Variants in TCF7L2 observed in about 807,000 individuals in gnomAD.
TCF7L2 encodes transcription factor 7-like 2.
A neutral mutation model predicts 77.9 loss-of-function variants in TCF7L2; 23 were observed. The ratio of observed to expected loss-of-function variants is 0.30; its 90% CI spans 0.21 to 0.42. The LOEUF (loss-of-function observed/expected upper bound fraction) is 0.42. Among genes scored for constraint, TCF7L2 ranks in the 10% least tolerant of loss-of-function variants. TCF7L2 has a pLI of 1.00. For missense variants in TCF7L2, 654 were observed against 793.1 expected (o/e 0.82, Z 2.11); for synonymous variants, 413 against 340.2 (o/e 1.21, Z -2.36).
intron 5 of TCF7L2, among the ~76,000 whole-genome samples, chr10:113,067,796 T>A (rs1350227139): frequency 6.6e-6 from 1 of 152,098 alleles, no homozygotes; most frequent in East Asian, 1.9e-4. Context: ...GAGGGTTATA[T>A]ATGACCTTCT....
chr10:112,981,308 CAA>C (rs11362147), intron 4 of TCF7L2, among the ~76,000 whole-genome samples: 92 of 142,376 alleles, frequency 6.5e-4, no homozygotes, highest in South Asian at 3.1e-3. Context: ...GACCCGTCCT[CAA>C]AAAAAAAAAA....
intron 5 of TCF7L2, chr10:113,125,671 A>C (rs1592040033): frequency 6.6e-6 from 1 of 152,332 alleles, no homozygotes; most frequent in Non-Finnish European, 1.5e-5. Flanking sequence ...GCAGTAGTAA[A>C]GGGCCTTCCA....
intron 5 of TCF7L2, among the ~76,000 whole-genome samples, chr10:113,105,205 G>T (rs1431745108): frequency 6.6e-6 from 1 of 152,142 alleles, no homozygotes; most frequent in Non-Finnish European, 1.5e-5. Context: ...TGCCAGGCAG[G>T]GTTCTGGTGT....
At chr10:113,086,213 A>G (rs1036708257) in intron 5 of TCF7L2, among the ~76,000 whole-genome samples, 2 of 152,174 alleles carry the variant, frequency 1.3e-5, no homozygotes, top group Non-Finnish European at 2.9e-5. Flanking sequence ...ATGGACAACT[A>G]TGGAGGCCAA....
chr10:113,042,427 T>C (rs2052615465), intron 5 of TCF7L2, among the ~76,000 whole-genome samples: 1 of 152,252 alleles, frequency 6.6e-6, no homozygotes, highest in Admixed American at 6.5e-5. Context: ...GGGGATGGGC[T>C]GGTGGAGGAA....
At chr10:113,036,894 C>T (rs994269908) in intron 4 of TCF7L2, among the ~76,000 whole-genome samples, 1 of 151,812 alleles carries the variant, frequency 6.6e-6, no homozygotes. Context: ...TTTTTCCCTC[C>T]CCCAAAAGGA....
At chr10:113,135,392 T>G (rs2067249756) in intron 5 of TCF7L2, among the ~76,000 whole-genome samples, 1 of 152,138 alleles carries the variant, frequency 6.6e-6, no homozygotes, top group Non-Finnish European at 1.5e-5. Flanking sequence ...TCTTTATGAT[T>G]TAACTATTCA....
chr10:113,157,648 C>T, intron 11 of TCF7L2: 1 of 209,232 alleles, frequency 4.8e-6, no homozygotes, highest in Non-Finnish European at 9.7e-6. Context: ...AAGATGGGCT[C>T]TCAGACTGCT....
At chr10:113,102,308 C>T (rs899402674) in intron 5 of TCF7L2, among the ~76,000 whole-genome samples, 3 of 151,840 alleles carry the variant, frequency 2.0e-5, no homozygotes, top group Non-Finnish European at 1.5e-5. Flanking sequence ...CATCATAAAA[C>T]CAGGACATTA....
chr10:113,154,376 G>C (rs749481639), intron 11 of TCF7L2, among the ~76,000 whole-genome samples: 1 of 152,130 alleles, frequency 6.6e-6, no homozygotes, highest in Non-Finnish European at 1.5e-5. Context: ...CCAATTCTTT[G>C]AGTAATCTAG....
At position 112,964,634 on chromosome 10, in the gene TCF7L2, G is replaced by A. The variant is rs369365151; in HGVS notation, c.450+10G>A. ...CCAGATTGCAGTTCAGGTAGGAAAC[G>A]CAAGAGATTCTGAAGCTTGAATTGT... On this transcript the variant is annotated intron_variant, in intron 4 of 13. Transcript: ENST00000627217. The A allele has an allele frequency of 1.2e-4, 200 of 1,611,172 alleles. 1 individual carries two copies. In the South Asian group the frequency reaches 1.5e-3, roughly 12 times the overall value.
chr10:112,960,200 T>C (rs1205689206), intron 3 of TCF7L2, among the ~76,000 whole-genome samples: 1 of 152,176 alleles, frequency 6.6e-6, no homozygotes, highest in Non-Finnish European at 1.5e-5. Context: ...AAAAGCTGTT[T>C]CCCATTCCAT....
intron 5 of TCF7L2, among the ~76,000 whole-genome samples, chr10:113,108,648 C>G (rs2136050348): frequency 6.6e-6 from 1 of 152,318 alleles, no homozygotes; most frequent in East Asian, 1.9e-4. Flanking sequence ...GCTGGCAGCA[C>G]CGCGGGGCGC....
chr10:113,066,070 G>T (rs11819475), intron 5 of TCF7L2, among the ~76,000 whole-genome samples: 63 of 152,236 alleles, frequency 4.1e-4, no homozygotes, highest in African/African-American at 1.3e-3. Context: ...TCAGTTGTAA[G>T]ATATGCTTAA....
At chr10:113,152,221 C>T (rs1489280286) in intron 10 of TCF7L2, 112 bp from the exon 11 acceptor site, 4 of 998,292 alleles carry the variant, frequency 4.0e-6, no homozygotes, top group South Asian at 3.9e-5. Context: ...TGGACGGACT[C>T]ACCCAAAAAG....
At chr10:112,988,754 C>T (rs1193392621) in intron 4 of TCF7L2, among the ~76,000 whole-genome samples, 2 of 152,158 alleles carry the variant, frequency 1.3e-5, no homozygotes, top group African/African-American at 4.8e-5. Flanking sequence ...TAGGAACTCA[C>T]GCTTTGTTTA....
At chr10:113,010,549 T>C (rs1301588706) in intron 4 of TCF7L2, among the ~76,000 whole-genome samples, 3 of 152,188 alleles carry the variant, frequency 2.0e-5, no homozygotes, top group Admixed American at 6.5e-5. Flanking sequence ...GTTAAGGAGA[T>C]AGACAGTATC....
At chr10:113,021,975 G>T (rs1204569232) in intron 4 of TCF7L2, among the ~76,000 whole-genome samples, 3 of 152,040 alleles carry the variant, frequency 2.0e-5, no homozygotes, top group Admixed American at 2.0e-4. Flanking sequence ...TCTCTTTCTT[G>T]ACTGTCCACG....
At chr10:113,020,707 A>G (rs1230734063) in intron 4 of TCF7L2, among the ~76,000 whole-genome samples, 1 of 152,048 alleles carries the variant, frequency 6.6e-6, no homozygotes, top group African/African-American at 2.4e-5. Context: ...CTGAAGGGAT[A>G]TTACTATTAC....
Sources: gnomAD v4.1 joint callset for allele counts (sites outside exome capture counted in the v4.1 genomes callset) on GRCh38, gnomAD v4.1.1 for gene constraint, MANE v1.5 for transcripts, NCBI Gene and HGNC (gene_info 2026-07-23, HGNC 2026-07-21) for gene names.